The following PALM2AKAP2 variants were observed in gnomAD, a reference collection of about 807,000 sequenced individuals.
PALM2AKAP2 encodes PALM2 and AKAP2 fusion.
PALM2AKAP2 carries 37 observed loss-of-function variants against 71.5 expected under a neutral mutation model. The ratio of observed to expected loss-of-function variants is 0.52; its 90% confidence interval spans 0.40 to 0.68. The LOEUF is 0.68. PALM2AKAP2 is among the 30% of genes least tolerant of loss of function. The pLI, the probability that PALM2AKAP2 is intolerant of heterozygous loss-of-function variation, is 0.00. For synonymous variants in PALM2AKAP2, 468 were observed against 478.8 expected (o/e 0.98, Z 0.29); for missense variants, 1,224 against 1,191.8 (o/e 1.03, Z -0.40).
At chr9:109,707,712 C>T (rs1283996802) in intron 1 of PALM2AKAP2, among the ~76,000 whole-genome samples, 1 of 152,164 alleles carries the variant, frequency 6.6e-6, no homozygotes, top group Non-Finnish European at 1.5e-5. Context: ...CCTTTCCTTC[C>T]ATGCTCAGTT....
chr9:109,799,715 G>A (rs79525395), intron 1 of PALM2AKAP2, among the ~76,000 whole-genome samples: 7,150 of 152,146 alleles, frequency 0.047, 279 homozygotes, highest in African/African-American at 0.11. Context: ...GGCTTGTCTC[G>A]AACTCCTGGG....
At chr9:109,651,424 C>G (rs146659335) in intron 1 of PALM2AKAP2, among the ~76,000 whole-genome samples, 42 of 152,328 alleles carry the variant, frequency 2.8e-4, no homozygotes, top group African/African-American at 9.6e-4. Flanking sequence ...GGGTGCTTCA[C>G]CATTGCTGTG....
Position 109,917,832 on chromosome 9 carries a change from G to A in PALM2AKAP2, c.258-5903G>A, listed in dbSNP as rs533605675. 4.6e-5 allele frequency among the ~76,000 whole-genome samples: 7 copies of A among 152,160 alleles called. No homozygotes were observed. The East Asian group carries it at 9.7e-4, about 21-fold the overall frequency. On this transcript the variant is annotated intron_variant, in intron 3 of 9. Transcript: ENST00000302798. ...TAGGGAGTTGTGTGGAAGTCCCTTCGGATCATTTTTACTTACATCTCATTG... is the reference window on the plus strand; with the variant it reads ...TAGGGAGTTGTGTGGAAGTCCCTTCAGATCATTTTTACTTACATCTCATTG...
chr9:109,675,683 T>C (rs1371092701), intron 1 of PALM2AKAP2, among the ~76,000 whole-genome samples: 1 of 152,206 alleles, frequency 6.6e-6, no homozygotes, highest in Non-Finnish European at 1.5e-5. Flanking sequence ...ATCCCTATCA[T>C]CATTGTTTTA....
At chr9:110,087,829 G>T (rs1834608529) in intron 1 of PALM2AKAP2, among the ~76,000 whole-genome samples, 1 of 152,208 alleles carries the variant, frequency 6.6e-6, no homozygotes, top group Admixed American at 6.5e-5. Flanking sequence ...AGGGACCTGA[G>T]ATCGTAGAGG....
chr9:109,757,560 C>T (rs1360695770), intron 1 of PALM2AKAP2, among the ~76,000 whole-genome samples: 1 of 152,122 alleles, frequency 6.6e-6, no homozygotes, highest in African/African-American at 2.4e-5. Context: ...CAAGGAGTGT[C>T]TATCACATAG....
At chr9:109,829,334 G>A (rs1380946582) in intron 1 of PALM2AKAP2, among the ~76,000 whole-genome samples, 4 of 152,068 alleles carry the variant, frequency 2.6e-5, no homozygotes, top group African/African-American at 7.2e-5. Context: ...TATATCCATA[G>A]CATTTAGTGC....
At position 109,759,917 on chromosome 9, in the gene PALM2AKAP2, A is replaced by G. The variant is rs146609848; in HGVS notation, c.6-20571A>G. The stretch of plus-strand genomic sequence containing the variant: ...AAGGTTATTGTGGTGTAATTTATAT[A>G]TGGCAAAATTCACTCTTTTCAAATG... On this transcript the variant is annotated intron_variant, in intron 1 of 6. Transcript: ENST00000374531. 2.3e-3 allele frequency among the ~76,000 whole-genome samples: 349 copies of G among 152,312 alleles called. 2 individuals are homozygous for G. Among genetic ancestry groups the G allele is most frequent in the African/African-American group, 8.0e-3 (334 of 41,580 alleles).
intron 1 of PALM2AKAP2, among the ~76,000 whole-genome samples, chr9:110,077,338 A>T (rs1176859401): frequency 6.6e-6 from 1 of 152,206 alleles, no homozygotes; most frequent in African/African-American, 2.4e-5. Flanking sequence ...ACATTCAGTG[A>T]TAGCTTTCAT....
chr9:109,699,517 G>T (rs558961408), intron 1 of PALM2AKAP2, among the ~76,000 whole-genome samples: 97 of 152,156 alleles, frequency 6.4e-4, no homozygotes, highest in Non-Finnish European at 1.3e-3. Flanking sequence ...TAAATTTGCT[G>T]ACAAAATTAT....
At chr9:110,084,617 A>G (rs1834519230) in intron 1 of PALM2AKAP2, among the ~76,000 whole-genome samples, 1 of 152,208 alleles carries the variant, frequency 6.6e-6, no homozygotes, top group Non-Finnish European at 1.5e-5. Flanking sequence ...TACTTATGAT[A>G]GCTAATGCCA....
At chr9:109,719,523 A>G (rs1382301572) in intron 1 of PALM2AKAP2, among the ~76,000 whole-genome samples, 1 of 152,208 alleles carries the variant, frequency 6.6e-6, no homozygotes, top group Non-Finnish European at 1.5e-5. Context: ...CAGGAGTTTA[A>G]TTGAGTATTA....
rs751899312 is a variant in PALM2AKAP2 at position 110,156,278 on chromosome 9, C to G, written c.2570-41C>G. 4 of 1,497,228 alleles carry G rather than the reference C, an allele frequency of 2.7e-6. No individual in the cohort carries two copies. In the Admixed American group the frequency reaches 9.4e-5, roughly 35 times the overall value. 92.7% of individuals were successfully genotyped at this position (1,497,228 alleles called of 1,614,324 possible). On this transcript the variant is annotated intron_variant, in intron 2 of 3. Transcript: ENST00000374525. The stretch of plus-strand genomic sequence containing the variant: ...TTTTCTTTCTAAAAGCAGTCATGAG[C>G]AGACAAGCTTAGAAAGGGTATTTTC...
intron 3 of PALM2AKAP2, among the ~76,000 whole-genome samples, chr9:110,157,935 A>G (rs1242051700): frequency 1.3e-5 from 2 of 152,232 alleles, no homozygotes; most frequent in Non-Finnish European, 2.9e-5. Flanking sequence ...CTGGCTTCTC[A>G]CTTGGCATCT....
chr9:109,928,299 T>C (rs1315304760), intron 5 of PALM2AKAP2, among the ~76,000 whole-genome samples: 2 of 152,146 alleles, frequency 1.3e-5, no homozygotes, highest in Non-Finnish European at 2.9e-5. Flanking sequence ...TTTTCATCAA[T>C]TTGTTTCTCT....
intron 2 of PALM2AKAP2, among the ~76,000 whole-genome samples, chr9:110,142,986 C>G (rs1836070961): frequency 6.6e-6 from 1 of 152,126 alleles, no homozygotes; most frequent in African/African-American, 2.4e-5. Flanking sequence ...ATTTCATAGG[C>G]TTGGATTGAG....
intron 1 of PALM2AKAP2, among the ~76,000 whole-genome samples, chr9:109,849,633 G>C (rs997448531): frequency 6.6e-6 from 1 of 152,090 alleles, no homozygotes; most frequent in Non-Finnish European, 1.5e-5. Flanking sequence ...GCGTGCACCT[G>C]TAATCCCAGC....
chr9:109,840,931 A>G (rs1455504100), intron 1 of PALM2AKAP2, among the ~76,000 whole-genome samples: 1 of 152,218 alleles, frequency 6.6e-6, no homozygotes, highest in African/African-American at 2.4e-5. Flanking sequence ...GATGTAAACT[A>G]GTTCAACCAT....
At chr9:110,022,072 C>T (rs1302667619) in intron 7 of PALM2AKAP2, among the ~76,000 whole-genome samples, 2 of 152,284 alleles carry the variant, frequency 1.3e-5, no homozygotes, top group East Asian at 3.9e-4. Flanking sequence ...TGATTACTTC[C>T]CATTTCAACA....
Sources: gnomAD v4.1 joint callset for allele counts (sites outside exome capture counted in the v4.1 genomes callset) on GRCh38, gnomAD v4.1.1 for gene constraint, MANE v1.5 for transcripts, NCBI Gene and HGNC (gene_info 2026-07-23, HGNC 2026-07-21) for gene names.